The following LRP1B variants were observed in gnomAD, a reference collection of about 807,000 sequenced individuals.
The protein encoded by LRP1B is low-density lipoprotein receptor-related protein 1B.
A neutral mutation model predicts 556.6 loss-of-function variants in LRP1B; 217 were observed. The ratio of observed to expected loss-of-function variants is 0.39; its 90% CI spans 0.35 to 0.44. The LOEUF (loss-of-function observed/expected upper bound fraction) is 0.44, where lower values mean the gene tolerates loss of function less well. Among genes scored for constraint, LRP1B ranks in the 20% least tolerant of loss-of-function variants. The pLI is 1.00. For missense variants in LRP1B, 5,053 were observed against 5,620.8 expected, an observed-to-expected ratio of 0.90 and a Z score of 3.23; for synonymous variants, 2,047 against 1,865.8, an observed-to-expected ratio of 1.10 and a Z score of -2.50.
chr2:140,245,785 C>A (rs959287465), intron 87 of LRP1B, among the ~76,000 whole-genome samples: 10 of 151,166 alleles, frequency 6.6e-5, no homozygotes, highest in Non-Finnish European at 1.0e-4. Context: ...CACTGTTAAC[C>A]TTTTATCAAC....
chr2:140,363,386 A>ATGACTCTG (rs1301542078), intron 72 of LRP1B, among the ~76,000 whole-genome samples: 3 of 151,624 alleles, frequency 2.0e-5, no homozygotes, highest in Non-Finnish European at 3.0e-5. Context: ...CTAGGAGAAT[A>ATGACTCTG]TGACTCTGCA....
chr2:140,632,935 C>T lies in LRP1B; in HGVS notation c.6800-31296G>A, dbSNP rs887249643. ...AAAATTAGCCTGGCGTGATGGCAGG[C>T]ACCTGTAGTCCCAGCTACGTGGGAG... On this transcript the variant is annotated intron_variant, in intron 41 of 90. Coordinates refer to ENST00000389484, the MANE Select transcript of LRP1B (RefSeq NM_018557.3). Among the ~76,000 whole-genome samples, 4 of 151,926 alleles carry T rather than the reference C, an allele frequency of 2.6e-5. No individual in the cohort carries two copies. In the East Asian group the frequency reaches 5.8e-4, roughly 22 times the overall value.
chr2:141,115,169 A>G (rs190944501), intron 7 of LRP1B, among the ~76,000 whole-genome samples: 1 of 149,156 alleles, frequency 6.7e-6, no homozygotes, highest in Non-Finnish European at 1.5e-5. Flanking sequence ...AAAAAAAAGC[A>G]TGTGGACTTT....
chr2:140,948,727 T>A (rs1448158875), intron 20 of LRP1B, among the ~76,000 whole-genome samples: 2 of 152,236 alleles, frequency 1.3e-5, no homozygotes, highest in East Asian at 3.9e-4. Flanking sequence ...CCATCAACCA[T>A]GAGAACTTGT....
intron 37 of LRP1B, among the ~76,000 whole-genome samples, chr2:140,714,898 A>G (rs746198820): frequency 5.3e-5 from 8 of 152,148 alleles, no homozygotes; most frequent in Non-Finnish European, 1.2e-4. Flanking sequence ...AATAAATATT[A>G]GTACAAATAA....
intron 14 of LRP1B, among the ~76,000 whole-genome samples, chr2:141,009,727 A>C (rs1697686396): frequency 6.6e-6 from 1 of 152,016 alleles, no homozygotes; most frequent in Non-Finnish European, 1.5e-5. Context: ...AAAAGTAGTC[A>C]AGGGGAACTT....
intron 66 of LRP1B, among the ~76,000 whole-genome samples, chr2:140,426,820 G>A (rs111755555): frequency 0.015 from 2,234 of 152,242 alleles, 60 homozygotes; most frequent in African/African-American, 0.051. Context: ...GCCGTGACTC[G>A]GATCGGGGGA....
At chr2:140,397,748 T>A (rs1463483548) in intron 66 of LRP1B, among the ~76,000 whole-genome samples, 1 of 152,174 alleles carries the variant, frequency 6.6e-6, no homozygotes, top group Non-Finnish European at 1.5e-5. Flanking sequence ...GTTTTGTTTT[T>A]TCCAATTCGA....
In LRP1B at chr2:140,352,949, T is replaced by G. The variant is rs1379900749; in HGVS notation, c.11650+4A>C. 16 of 1,609,738 alleles carry G rather than the reference T, an allele frequency of 9.9e-6. No homozygotes were observed. The South Asian group carries it at 1.6e-4, about 16-fold the overall frequency. Reference sequence around the variant, plus strand: ...AGGATTTGCAATAGTGGTTATAATCTTACCTTCTGCTATGCAGGTGTTATT... The same window carrying G: ...AGGATTTGCAATAGTGGTTATAATCGTACCTTCTGCTATGCAGGTGTTATT... On this transcript the variant is annotated splice_donor_region_variant and intron_variant, in intron 76 of 90. Transcript: ENST00000389484.
chr2:140,304,352 T>C (rs2105014187), intron 83 of LRP1B, among the ~76,000 whole-genome samples: 1 of 152,330 alleles, frequency 6.6e-6, no homozygotes, highest in East Asian at 1.9e-4. Context: ...ATCACCATTC[T>C]AACTAGTGTG....
At chr2:140,947,225 T>C (rs182743462) in intron 20 of LRP1B, among the ~76,000 whole-genome samples, 1 of 152,176 alleles carries the variant, frequency 6.6e-6, no homozygotes, top group Admixed American at 6.5e-5. Flanking sequence ...AGAATACATA[T>C]TGAACTTAAA....
chr2:140,501,643 AT>A, intron 55 of LRP1B, 43 bp downstream of exon 55: 1 of 1,400,442 alleles, frequency 7.1e-7, no homozygotes, highest in South Asian at 1.5e-5. Context: ...TTAACCTCCA[AT>A]TCTAATGTAT....
intron 2 of LRP1B, among the ~76,000 whole-genome samples, chr2:141,621,822 G>C (rs934372087): frequency 2.0e-5 from 3 of 152,050 alleles, no homozygotes. Flanking sequence ...AAGAAGATGG[G>C]GGAGGAAAAG....
At chr2:140,301,807 A>G (rs1683837481) in intron 83 of LRP1B, among the ~76,000 whole-genome samples, 1 of 151,822 alleles carries the variant, frequency 6.6e-6, no homozygotes, top group Non-Finnish European at 1.5e-5. Flanking sequence ...TTACATATAT[A>G]AAGTACAGAA....
At chr2:141,276,633 T>A (rs1477119846) in intron 3 of LRP1B, among the ~76,000 whole-genome samples, 1 of 144,128 alleles carries the variant, frequency 6.9e-6, no homozygotes, top group Non-Finnish European at 1.5e-5. Flanking sequence ...AATCTCATTC[T>A]ATTTTTTTCT....
chr2:141,528,182 G>A lies in LRP1B; in HGVS notation c.206-47649C>T, dbSNP rs116362897. Among the ~76,000 whole-genome samples the A allele has an allele frequency of 4.9e-3, 739 of 151,646 alleles. 8 individuals carry two copies. Among genetic ancestry groups the A allele is most frequent in the South Asian group, 0.024 (117 of 4,794 alleles). ...AGAGATGAAACATCCAAGTGTGTTC[G>A]TTTGGATATAAGCTGGAATTAAATG... On this transcript the variant is annotated intron_variant, in intron 2 of 90. Transcript: ENST00000389484.
At chr2:140,693,382 A>G (rs1188852130) in intron 41 of LRP1B, among the ~76,000 whole-genome samples, 2 of 152,038 alleles carry the variant, frequency 1.3e-5, no homozygotes, top group African/African-American at 4.8e-5. Context: ...CAGTGGTGCA[A>G]TCATAGCTCA....
At chr2:141,298,972 A>AC (rs1197761795) in intron 3 of LRP1B, among the ~76,000 whole-genome samples, 7 of 144,770 alleles carry the variant, frequency 4.8e-5, no homozygotes, top group African/African-American at 1.8e-4. Context: ...AAAAAAAAAA[A>AC]CCCACAAAAA....
At chr2:142,001,770 C>T (rs540540171) in intron 1 of LRP1B, among the ~76,000 whole-genome samples, 1 of 152,234 alleles carries the variant, frequency 6.6e-6, no homozygotes, top group East Asian at 1.9e-4. Context: ...AAATTTCATA[C>T]CAACTTCAGA....
Sources: allele counts gnomAD v4.1 joint callset (sites outside exome capture counted in the v4.1 genomes callset), GRCh38; gene constraint gnomAD v4.1.1; transcripts MANE v1.5; gene names NCBI Gene and HGNC (gene_info 2026-07-23, HGNC 2026-07-21).